The following ESYT2 variants were observed in gnomAD, a reference collection of about 807,000 sequenced individuals.
The protein encoded by ESYT2 is extended synaptotagmin-2.
A neutral mutation model predicts 107.2 loss-of-function variants in ESYT2; 54 were observed. That is an observed-to-expected ratio of 0.50 (90% CI 0.40 to 0.63). The LOEUF (loss-of-function observed/expected upper bound fraction) is 0.63. Ranked by LOEUF, ESYT2 falls within the 30% of genes least tolerant of loss-of-function variation. ESYT2 has a pLI of 0.00. For synonymous variants in ESYT2, 491 were observed against 434.1 expected, an observed-to-expected ratio of 1.13 and a Z score of -1.63; for missense variants, 1,020 against 1,094.5, an observed-to-expected ratio of 0.93 and a Z score of 0.96.
intron 21 of ESYT2, 134 bp downstream of exon 21, chr7:158,735,369 T>G (rs148787568): frequency 6.0e-6 from 4 of 670,754 alleles, no homozygotes; most frequent in Admixed American, 2.4e-5. Flanking sequence ...TTATAGCCCA[T>G]GATTTATAAA....
Position 158,798,989 on chromosome 7 carries a change from C to G in ESYT2, c.372+42G>C, listed in dbSNP as rs1186968173. The G allele has an allele frequency of 1.9e-6, 3 of 1,572,972 alleles. No homozygotes were observed. In the Admixed American group the frequency reaches 5.3e-5, roughly 28 times the overall value. On this transcript the variant is annotated intron_variant, in intron 2 of 22. Transcript: ENST00000275418. ...TATGGAAAGATGGTATCTCATCCTC[C>G]AATTCCACTGATGGATGGTAGTTGG...
At chr7:158,828,029 C>T (rs1840506856) in intron 1 of ESYT2, among the ~76,000 whole-genome samples, 1 of 152,168 alleles carries the variant, frequency 6.6e-6, no homozygotes, top group Non-Finnish European at 1.5e-5. Flanking sequence ...ATTGCTGCAA[C>T]TCTTCCAAAA....
intron 6 of ESYT2, among the ~76,000 whole-genome samples, chr7:158,776,316 T>G (rs1455473671): frequency 1.7e-4 from 26 of 152,200 alleles, no homozygotes; most frequent in Admixed American, 1.7e-3. Flanking sequence ...TTTGAAGCCT[T>G]GAAGTCAGGC....
At chr7:158,787,462 T>TGCA (rs1469771990) in intron 6 of ESYT2, among the ~76,000 whole-genome samples, 1 of 152,160 alleles carries the variant, frequency 6.6e-6, no homozygotes, top group Non-Finnish European at 1.5e-5. Flanking sequence ...AGGAAGGAGA[T>TGCA]GCATGCTAAT....
At chr7:158,807,199 C>T (rs1192463557) in intron 1 of ESYT2, among the ~76,000 whole-genome samples, 5 of 138,114 alleles carry the variant, frequency 3.6e-5, no homozygotes, top group Non-Finnish European at 6.0e-5. Flanking sequence ...TGTAGCGAGC[C>T]GATATCGCAC....
In ESYT2 at chr7:158,764,787, G is replaced by A. The variant is rs1838093241; in HGVS notation, c.991C>T (p.Leu331Phe). The A allele has an allele frequency of 1.2e-6, 2 of 1,614,034 alleles. No homozygotes were observed. Among genetic ancestry groups the A allele is most frequent in the African/African-American group, 2.7e-5 (2 of 74,922 alleles). Residue 331 changes from leucine (L) to phenylalanine (F), a missense_variant, in exon 9 of 23, where the codon CTT becomes TTT. Transcript: ENST00000275418. ...TAGGGGTCTGACTTTCCCTTGACAA[G>A]TCCCTTAAGGTAAGTGTCTTTCCCC... ...LQGKDTYLKG[L>F]VKGKSDPYGI...
intron 1 of ESYT2, among the ~76,000 whole-genome samples, chr7:158,824,580 T>C (rs1154000): frequency 0.013 from 1,996 of 152,312 alleles, 31 homozygotes; most frequent in Middle Eastern, 0.051. Context: ...CAGAGAAAGT[T>C]TGTATACAAA....
chr7:158,806,790 G>C (rs1839844286), intron 1 of ESYT2, among the ~76,000 whole-genome samples: 1 of 152,098 alleles, frequency 6.6e-6, no homozygotes, highest in Non-Finnish European at 1.5e-5. Flanking sequence ...CCAAGAATAG[G>C]AAATCTGTCT....
chr7:158,781,445 CAA>C (rs1223924937), intron 6 of ESYT2, among the ~76,000 whole-genome samples: 1 of 145,206 alleles, frequency 6.9e-6, no homozygotes, highest in Non-Finnish European at 1.5e-5. Flanking sequence ...TGAGTGTGAA[CAA>C]GTGATTGTGA....
At chr7:158,782,280 G>A (rs1362978996) in intron 6 of ESYT2, among the ~76,000 whole-genome samples, 2 of 83,092 alleles carry the variant, frequency 2.4e-5, no homozygotes, top group East Asian at 4.8e-4. Context: ...AGAACAAAAT[G>A]TGAGAAATGT....
At chr7:158,776,192 T>C (rs776853333) in intron 6 of ESYT2, among the ~76,000 whole-genome samples, 1 of 152,208 alleles carries the variant, frequency 6.6e-6, no homozygotes, top group Non-Finnish European at 1.5e-5. Context: ...ACACAGACAG[T>C]GTAGATATAG....
chr7:158,782,376 A>G (rs1838905957), intron 6 of ESYT2, among the ~76,000 whole-genome samples: 2 of 105,968 alleles, frequency 1.9e-5, no homozygotes, highest in Non-Finnish European at 3.8e-5. Flanking sequence ...GAGTGTGAGA[A>G]CAAAGTGAGG....
Position 158,829,443 on chromosome 7 carries a change from C to A in ESYT2, c.-25G>T. 2 of 1,188,172 alleles carry A rather than the reference C, an allele frequency of 1.7e-6. No homozygotes were observed. The highest frequency in any genetic ancestry group is 7.6e-5 in the East Asian group (2 of 26,476). The allele number at this position is 1,188,172 out of a possible 1,614,324, so 73.6% of individuals were successfully genotyped here. Reference sequence around the variant, plus strand: ...TCGCCCCGCAGTGCCGCGCTGCCCTCCCGGCCGAGGCGGGCTGGGTGCTCG... The same window carrying A: ...TCGCCCCGCAGTGCCGCGCTGCCCTACCGGCCGAGGCGGGCTGGGTGCTCG... On this transcript the variant is annotated 5_prime_UTR_variant, in exon 1 of 23. Coordinates refer to ENST00000275418, the MANE Select transcript of ESYT2 (RefSeq NM_001367773.1).
Position 158,732,850 on chromosome 7 carries a change from C to T in ESYT2, c.*1357G>A. ...TCATGGCTATGGAAGCCATTTTCAGCATATAGCTTATAATATACACTTAAT... is the reference window on the plus strand; with the variant it reads ...TCATGGCTATGGAAGCCATTTTCAGTATATAGCTTATAATATACACTTAAT... On this transcript the variant is annotated 3_prime_UTR_variant, in exon 23 of 23. Coordinates refer to ENST00000275418, the MANE Select transcript of ESYT2 (RefSeq NM_001367773.1). 6.6e-6 allele frequency: 1 copy of T among 152,336 alleles called. No homozygotes were observed. The highest frequency in any genetic ancestry group is 1.5e-5 in the Non-Finnish European group (1 of 68,046). 9.4% of individuals were successfully genotyped at this position (152,336 alleles called of 1,614,324 possible). A position where few individuals can be genotyped will look rare whatever the true frequency, so the allele number is the denominator to read the frequency against.
At chr7:158,809,528 G>C (rs1384671146) in intron 1 of ESYT2, among the ~76,000 whole-genome samples, 1 of 142,126 alleles carries the variant, frequency 7.0e-6, no homozygotes, top group East Asian at 2.1e-4. Context: ...AAAAGTATTT[G>C]TATAAACGCT....
At chr7:158,794,322 T>C (rs1336286276) in intron 3 of ESYT2, among the ~76,000 whole-genome samples, 1 of 152,140 alleles carries the variant, frequency 6.6e-6, no homozygotes, top group Non-Finnish European at 1.5e-5. Context: ...GTTAAAACCC[T>C]ATCTCTACAA....
intron 3 of ESYT2, 72 bp downstream of exon 3, chr7:158,797,867 AAAG>A: frequency 1.3e-6 from 2 of 1,559,430 alleles, no homozygotes; most frequent in Middle Eastern, 1.7e-4. Context: ...AAAAAAAAAA[AAAG>A]AAAATGTGTT....
chr7:158,739,510 C>A (rs1412948716), intron 18 of ESYT2, among the ~76,000 whole-genome samples: 1 of 152,088 alleles, frequency 6.6e-6, no homozygotes, highest in Non-Finnish European at 1.5e-5. Flanking sequence ...CCACGCCCAG[C>A]TAATTTTTTG....
At position 158,737,032 on chromosome 7, in the gene ESYT2, G is replaced by A; in HGVS notation, c.2399+16C>T. ...TCAACCGGGCAGTCTATCCTCAGCT[G>A]GATAAAATACCGTACCTTTGATCAA... On this transcript the variant is annotated intron_variant, in intron 20 of 22. Coordinates refer to ENST00000275418, the MANE Select transcript of ESYT2 (RefSeq NM_001367773.1). 2 of 1,611,920 alleles carry A rather than the reference G, an allele frequency of 1.2e-6. No homozygotes were observed. Among genetic ancestry groups the A allele is most frequent in the African/African-American group, 1.3e-5 (1 of 74,998 alleles).
Sources: gnomAD v4.1 joint callset for allele counts (sites outside exome capture counted in the v4.1 genomes callset) on GRCh38, gnomAD v4.1.1 for gene constraint, MANE v1.5 for transcripts, NCBI Gene and HGNC (gene_info 2026-07-23, HGNC 2026-07-21) for gene names.